PTPRD: variants seen among roughly 807,000 people sequenced by gnomAD.
PTPRD encodes receptor-type tyrosine-protein phosphatase delta.
Under a neutral mutation model 214.5 loss-of-function variants are expected in PTPRD, and 34 were observed. The observed-to-expected ratio is 0.16, with a 90% CI of 0.12 to 0.21. PTPRD has a LOEUF of 0.21. PTPRD is among the 10% of genes least tolerant of loss of function. The pLI, the probability that PTPRD is intolerant of heterozygous loss-of-function variation, is 1.00. For missense variants in PTPRD, 2,545 were observed against 2,398.7 expected, an observed-to-expected ratio of 1.06 and a Z score of -1.27; for synonymous variants, 1,128 against 845.7, an observed-to-expected ratio of 1.33 and a Z score of -5.79.
In PTPRD at chr9:9,952,338, T is replaced by C. The variant is rs148921713; in HGVS notation, c.-471-13728A>G. Among the ~76,000 whole-genome samples, 886 of 152,266 alleles carry C rather than the reference T, an allele frequency of 5.8e-3. 5 individuals carry two copies. The highest frequency in any genetic ancestry group is 0.02 in the African/African-American group (824 of 41,548). On this transcript the variant is annotated intron_variant, in intron 4 of 45. Coordinates refer to ENST00000381196, the MANE Select transcript of PTPRD (RefSeq NM_002839.4). ...TTAAACAGAAGGTGTATATAAAAGA[T>C]GTAAAATGTGTAATGCTCAGCAACA...
chr9:10,052,385 G>A (rs577995088), intron 3 of PTPRD, among the ~76,000 whole-genome samples: 16 of 152,238 alleles, frequency 1.1e-4, no homozygotes, highest in African/African-American at 3.8e-4. Context: ...GGAGGGAGAT[G>A]TGCTAAGAGT....
At chr9:9,847,101 TTAAA>T (rs1565729667) in intron 5 of PTPRD, among the ~76,000 whole-genome samples, 1 of 152,160 alleles carries the variant, frequency 6.6e-6, no homozygotes, top group East Asian at 1.9e-4. Context: ...TTTCTTTAAC[TTAAA>T]TACTCTTAAG....
At chr9:9,229,533 C>A (rs1462714590) in intron 9 of PTPRD, among the ~76,000 whole-genome samples, 1 of 152,094 alleles carries the variant, frequency 6.6e-6, no homozygotes, top group East Asian at 1.9e-4. Context: ...TGTGTCCTCT[C>A]TAGACTGTAC....
intron 42 of PTPRD, among the ~76,000 whole-genome samples, 173 bp from the exon 43 acceptor site, chr9:8,339,220 T>C (rs539819152): frequency 9.9e-5 from 15 of 152,138 alleles, no homozygotes; most frequent in Non-Finnish European, 1.9e-4. Context: ...ATGAGCTCCC[T>C]TCATAGGGAA....
At chr9:8,968,858 A>T (rs1671860632) in intron 11 of PTPRD, among the ~76,000 whole-genome samples, 1 of 152,128 alleles carries the variant, frequency 6.6e-6, no homozygotes, top group African/African-American at 2.4e-5. Flanking sequence ...GAAAGAATGG[A>T]TTTTGTAAAA....
At chr9:10,222,770 A>C (rs1407108581) in intron 3 of PTPRD, among the ~76,000 whole-genome samples, 3 of 152,080 alleles carry the variant, frequency 2.0e-5, no homozygotes, top group Non-Finnish European at 4.4e-5. Flanking sequence ...GTATATGAAA[A>C]TAGGTAGTAA....
intron 3 of PTPRD, among the ~76,000 whole-genome samples, chr9:10,036,895 T>TATGTATTTATTC (rs1567232198): frequency 6.6e-6 from 1 of 151,244 alleles, no homozygotes; most frequent in Admixed American, 6.6e-5. Flanking sequence ...TTTATTTATT[T>TATGTATTTATTC]ATTTATTTAG....
chr9:9,882,327 G>A (rs920881269), intron 5 of PTPRD, among the ~76,000 whole-genome samples: 8 of 151,904 alleles, frequency 5.3e-5, no homozygotes, highest in African/African-American at 1.9e-4. Flanking sequence ...ATCTTTGAAA[G>A]GTTTTCCCAT....
chr9:9,255,760 A>C (rs2099977449), intron 9 of PTPRD, among the ~76,000 whole-genome samples: 1 of 152,036 alleles, frequency 6.6e-6, no homozygotes, highest in Non-Finnish European at 1.5e-5. Flanking sequence ...ATTGTCCACT[A>C]TTGGCATAAA....
intron 7 of PTPRD, among the ~76,000 whole-genome samples, chr9:9,680,331 C>T (rs969341622): frequency 1.3e-5 from 2 of 151,790 alleles, no homozygotes; most frequent in Non-Finnish European, 1.5e-5. Context: ...AAATATATTG[C>T]TTTGGAAAAT....
At chr9:9,164,517 T>C (rs1015105242) in intron 10 of PTPRD, among the ~76,000 whole-genome samples, 1 of 152,192 alleles carries the variant, frequency 6.6e-6, no homozygotes, top group Non-Finnish European at 1.5e-5. Flanking sequence ...TTTCAGTAAT[T>C]AGGATGTAGA....
At chr9:10,466,183 C>T (rs955003373) in intron 2 of PTPRD, among the ~76,000 whole-genome samples, 1 of 152,136 alleles carries the variant, frequency 6.6e-6, no homozygotes, top group African/African-American at 2.4e-5. Context: ...ATTATGATTT[C>T]TCTGTTTTAT....
At chr9:9,204,648 C>T (rs1254567579) in intron 9 of PTPRD, among the ~76,000 whole-genome samples, 1 of 152,156 alleles carries the variant, frequency 6.6e-6, no homozygotes, top group African/African-American at 2.4e-5. Context: ...AATATTAAAC[C>T]AGTCAATTCA....
chr9:9,877,344 G>A (rs2067173459), intron 5 of PTPRD, among the ~76,000 whole-genome samples: 1 of 152,050 alleles, frequency 6.6e-6, no homozygotes, highest in South Asian at 2.1e-4. Flanking sequence ...AATGTCATGG[G>A]GAGGATAAGG....
intron 5 of PTPRD, among the ~76,000 whole-genome samples, chr9:9,893,709 A>G (rs1424627641): frequency 6.6e-6 from 1 of 152,126 alleles, no homozygotes; most frequent in Non-Finnish European, 1.5e-5. Flanking sequence ...ATCCTTCCCA[A>G]TGACTTTTAA....
intron 10 of PTPRD, among the ~76,000 whole-genome samples, chr9:9,156,867 GTGTAAATAAGTAA>G (rs1359401109): frequency 6.6e-6 from 1 of 152,086 alleles, no homozygotes; most frequent in Non-Finnish European, 1.5e-5. Flanking sequence ...TATTCCACTG[GTGTAAATAAGTAA>G]TGAGGCCTCT....
At chr9:8,743,780 T>C (rs1241485162) in intron 11 of PTPRD, among the ~76,000 whole-genome samples, 1 of 141,720 alleles carries the variant, frequency 7.1e-6, no homozygotes, top group Non-Finnish European at 1.5e-5. Context: ...AAAAAGCTTC[T>C]GCACAGCAAA....
In PTPRD at chr9:10,549,793, A is replaced by G. The variant is rs568040128; in HGVS notation, c.-600+62605T>C. On this transcript the variant is annotated intron_variant, in intron 2 of 45. Transcript: ENST00000381196. ...TGGGAGTATTCCACTGTACTTCCAG[A>G]GAAGAGACCAGGTTTTAAAAAGATT... Among the ~76,000 whole-genome samples, 6 of 152,246 alleles carry G rather than the reference A, an allele frequency of 3.9e-5. No individual in the cohort carries two copies. The East Asian group carries it at 1.2e-3, about 29-fold the overall frequency.
At chr9:10,517,981 T>C (rs1312579974) in intron 2 of PTPRD, among the ~76,000 whole-genome samples, 3 of 152,120 alleles carry the variant, frequency 2.0e-5, no homozygotes, top group Non-Finnish European at 4.4e-5. Context: ...CGAATTGGAA[T>C]ATATTGAATA....
Sources: allele counts gnomAD v4.1 joint callset (sites outside exome capture counted in the v4.1 genomes callset), GRCh38; gene constraint gnomAD v4.1.1; transcripts MANE v1.5; gene names NCBI Gene and HGNC (gene_info 2026-07-23, HGNC 2026-07-21).